GABRB3: variants seen among roughly 807,000 people sequenced by gnomAD.
GABRB3 encodes gamma-aminobutyric acid type A receptor subunit beta3.
Under a neutral mutation model 52.1 loss-of-function variants are expected in GABRB3, and 14 were observed. The ratio of observed to expected loss-of-function variants is 0.27; its 90% CI spans 0.18 to 0.42. The LOEUF is 0.42. Among genes scored for constraint, GABRB3 ranks in the 10% least tolerant of loss-of-function variants. The pLI, the probability that GABRB3 is intolerant of heterozygous loss-of-function variation, is 1.00. For missense variants in GABRB3, 307 were observed against 609.1 expected, an observed-to-expected ratio of 0.50 and a Z score of 5.22; for synonymous variants, 260 against 232.3, an observed-to-expected ratio of 1.12 and a Z score of -1.08.
intron 3 of GABRB3, among the ~76,000 whole-genome samples, chr15:26,702,772 C>T (rs568323954): frequency 5.6e-4 from 85 of 152,280 alleles, no homozygotes; most frequent in African/African-American, 2.0e-3. Context: ...TTCATAGCAG[C>T]CTTTTTAATT....
At chr15:26,630,846 G>C (rs1273146255) in intron 3 of GABRB3, among the ~76,000 whole-genome samples, 1 of 152,176 alleles carries the variant, frequency 6.6e-6, no homozygotes, top group African/African-American at 2.4e-5. Context: ...AGCTCAAATT[G>C]CTTTCAATAC....
intron 3 of GABRB3, among the ~76,000 whole-genome samples, chr15:26,631,297 C>T (rs779610464): frequency 1.3e-5 from 2 of 152,166 alleles, no homozygotes; most frequent in Non-Finnish European, 2.9e-5. Flanking sequence ...ATATAAACAA[C>T]AAAGTTTCTT....
rs960790190 is a variant in GABRB3 at position 26,621,209 on chromosome 15, A to G, written c.461+105T>C. 1.0e-4 allele frequency: 96 copies of G among 958,302 alleles called. No individual in the cohort carries two copies. Among genetic ancestry groups the G allele is most frequent in the Non-Finnish European group, 1.6e-4 (91 of 586,952 alleles). The allele number at this position is 958,302 out of a possible 1,614,324, so 59.4% of individuals were successfully genotyped here. A position where few individuals can be genotyped will look rare whatever the true frequency, so the allele number is the denominator to read the frequency against. On this transcript the variant is annotated intron_variant, in intron 4 of 8. Coordinates refer to ENST00000311550, the MANE Select transcript of GABRB3 (RefSeq NM_000814.6). This position sits in a 1 kb window ranked among gnomAD's most constrained non-coding sequence, Gnocchi z 4.1. ...TTTAGTGCTTCATAGATGCTTCCTA[A>G]TTTATCTGAGGTCATTGCCTCACTT...
intron 3 of GABRB3, among the ~76,000 whole-genome samples, chr15:26,685,024 A>G (rs953811428): frequency 6.6e-6 from 1 of 152,202 alleles, no homozygotes; most frequent in African/African-American, 2.4e-5. Flanking sequence ...TAACTAAAGC[A>G]AAGTGTGATA....
intron 3 of GABRB3, chr15:26,658,853 C>G (rs1222072991): frequency 1.3e-5 from 2 of 152,166 alleles, no homozygotes; most frequent in African/African-American, 4.8e-5. Flanking sequence ...CCAATTGAAA[C>G]GGAACCCTCA....
chr15:26,554,161 G>GTATATATA (rs576382653), intron 8 of GABRB3, among the ~76,000 whole-genome samples: 1 of 21,264 alleles, frequency 4.7e-5, no homozygotes, highest in Non-Finnish European at 1.3e-4. Context: ...TATATATAAA[G>GTATATATA]TATATATATA....
intron 6 of GABRB3, among the ~76,000 whole-genome samples, chr15:26,571,513 C>T (rs1890395270): frequency 6.6e-6 from 1 of 152,138 alleles, no homozygotes; most frequent in Non-Finnish European, 1.5e-5. Context: ...ACTATATCCT[C>T]CAACTTTCCA....
chr15:26,721,341 G>A (rs890622348), intron 3 of GABRB3, among the ~76,000 whole-genome samples: 14 of 152,098 alleles, frequency 9.2e-5, no homozygotes, highest in African/African-American at 3.4e-4. Context: ...CCATTTGTAA[G>A]GGTGTCTTCC....
intron 4 of GABRB3, among the ~76,000 whole-genome samples, chr15:26,610,765 T>C (rs1368382383): frequency 6.6e-6 from 1 of 152,214 alleles, no homozygotes; most frequent in Non-Finnish European, 1.5e-5. Context: ...TGTAAACCTG[T>C]TCGTAAATTC....
chr15:26,750,025 A>C (rs1038428008), intron 3 of GABRB3: 3 of 152,196 alleles, frequency 2.0e-5, no homozygotes, highest in Non-Finnish European at 4.4e-5. Flanking sequence ...CATCTTGGCC[A>C]GAATTGGAAA....
chr15:26,567,879 G>C, intron 6 of GABRB3, 146 bp from the exon 7 acceptor site: 1 of 745,126 alleles, frequency 1.3e-6, no homozygotes, highest in South Asian at 1.6e-5. Flanking sequence ...GCTTCTGTCT[G>C]CTAGCGGTAT....
intron 3 of GABRB3, among the ~76,000 whole-genome samples, chr15:26,703,137 T>G (rs528595920): frequency 6.6e-6 from 1 of 152,294 alleles, no homozygotes; most frequent in African/African-American, 2.4e-5. Flanking sequence ...AAGCATCATT[T>G]TACTCCATTT....
chr15:26,713,443 G>A (rs1054259604), intron 3 of GABRB3, among the ~76,000 whole-genome samples: 2 of 152,080 alleles, frequency 1.3e-5, no homozygotes, highest in African/African-American at 2.4e-5. Context: ...CAGCTCAGTC[G>A]CCTGGTGCCA....
chr15:26,563,120 C>T (rs1890048415), intron 7 of GABRB3, among the ~76,000 whole-genome samples: 1 of 152,186 alleles, frequency 6.6e-6, no homozygotes, highest in South Asian at 2.1e-4. Context: ...AGACCGAGCG[C>T]TTTGCTTTAG....
chr15:26,771,562 C>A (rs756736727), intron 3 of GABRB3, among the ~76,000 whole-genome samples: 8 of 152,250 alleles, frequency 5.3e-5, no homozygotes, highest in Non-Finnish European at 1.0e-4. Context: ...TCAAATCCCA[C>A]GGCGTTTCAG....
chr15:26,613,207 T>G (rs960014167), intron 4 of GABRB3: 1 of 152,204 alleles, frequency 6.6e-6, no homozygotes, highest in Non-Finnish European at 1.5e-5. Flanking sequence ...GGTCAGGAGT[T>G]CGAGAGCAGC....
At chr15:26,689,932 G>A (rs1212505510) in intron 3 of GABRB3, among the ~76,000 whole-genome samples, 2 of 152,084 alleles carry the variant, frequency 1.3e-5, no homozygotes, top group Non-Finnish European at 2.9e-5. Context: ...GATTGCTCTA[G>A]GGTGCCCTCG....
chr15:26,550,349 G>A (rs1889411930), intron 8 of GABRB3, among the ~76,000 whole-genome samples: 1 of 152,156 alleles, frequency 6.6e-6, no homozygotes, highest in African/African-American at 2.4e-5. Flanking sequence ...GAATAGACAT[G>A]TCTTAAAGGA....
At chr15:26,629,030 C>G (rs1266967828) in intron 3 of GABRB3, 3 of 1,536,162 alleles carry the variant, frequency 2.0e-6, no homozygotes, top group South Asian at 1.2e-5. Context: ...CTCCCGGTAT[C>G]CCGGTGCTGA....
Sources: allele counts gnomAD v4.1 joint callset (sites outside exome capture counted in the v4.1 genomes callset), GRCh38; gene constraint gnomAD v4.1.1; non-coding constraint Gnocchi (gnomAD v3.1); transcripts MANE v1.5; gene names NCBI Gene and HGNC (gene_info 2026-07-23, HGNC 2026-07-21).